HMG20A: variants seen among roughly 807,000 people sequenced by gnomAD.
HMG20A encodes high mobility group protein 20A.
A neutral mutation model predicts 43.9 loss-of-function variants in HMG20A; 17 were observed. The ratio of observed to expected loss-of-function variants is 0.39; its 90% CI spans 0.27 to 0.58. The LOEUF is 0.58. Among genes scored for constraint, HMG20A ranks in the 20% least tolerant of loss-of-function variants. The pLI is 0.59. For synonymous variants in HMG20A, 132 were observed against 147.5 expected (o/e 0.89, Z 0.76); for missense variants, 341 against 438.2 (o/e 0.78, Z 1.98).
chr15:77,491,410 A>G, the HMG20A span, among the ~76,000 whole-genome samples: 1 of 152,210 alleles, frequency 6.6e-6, no homozygotes, highest in South Asian at 2.1e-4. Flanking sequence ...TGTTATATTT[A>G]TCAAAAGAAT....
chr15:77,465,279 A>G (rs1276937587), intron 3 of HMG20A, among the ~76,000 whole-genome samples: 1 of 150,402 alleles, frequency 6.6e-6, no homozygotes, highest in African/African-American at 2.4e-5. Context: ...AAAAAAAAAA[A>G]AAAAAAGAAA....
intron 5 of HMG20A, 111 bp from the exon 6 acceptor site, chr15:77,471,672 T>C: frequency 1.4e-6 from 1 of 707,852 alleles, no homozygotes; most frequent in Non-Finnish European, 2.5e-6. Flanking sequence ...TCATATGTTA[T>C]GAGAATCTAC....
At chr15:77,441,794 T>A (rs1215797365) in intron 1 of HMG20A, among the ~76,000 whole-genome samples, 2 of 152,164 alleles carry the variant, frequency 1.3e-5, no homozygotes, top group Non-Finnish European at 2.9e-5. Context: ...TTTATCAACT[T>A]TGTCTTTTAA....
chr15:77,488,964 T>G (rs1249103297), downstream of HMG20A, among the ~76,000 whole-genome samples: 1 of 152,220 alleles, frequency 6.6e-6, no homozygotes, highest in Non-Finnish European at 1.5e-5. Flanking sequence ...CACTGCTGGG[T>G]TCAGGTCTGG....
the HMG20A span, among the ~76,000 whole-genome samples, chr15:77,510,290 G>T: frequency 6.6e-6 from 1 of 152,186 alleles, no homozygotes; most frequent in Admixed American, 6.5e-5. Flanking sequence ...ACCTGGCTGC[G>T]CATGGATGAT....
chr15:77,473,798 A>T (rs1025210980), intron 6 of HMG20A, among the ~76,000 whole-genome samples: 3 of 152,036 alleles, frequency 2.0e-5, no homozygotes, highest in Non-Finnish European at 4.4e-5. Context: ...AACAAAAAAA[A>T]GGAGTGAGTA....
chr15:77,452,903 T>C (rs2072617557), intron 1 of HMG20A, among the ~76,000 whole-genome samples: 1 of 152,170 alleles, frequency 6.6e-6, no homozygotes, highest in Non-Finnish European at 1.5e-5. Context: ...AATTTTGCAA[T>C]AACAATACAG....
intron 2 of HMG20A, among the ~76,000 whole-genome samples, chr15:77,463,901 G>A (rs977002799): frequency 6.6e-6 from 1 of 152,136 alleles, no homozygotes; most frequent in African/African-American, 2.4e-5. Context: ...CTTTACATTG[G>A]AGATACATGA....
At chr15:77,443,213 A>G (rs2073632402) in intron 1 of HMG20A, among the ~76,000 whole-genome samples, 1 of 150,776 alleles carries the variant, frequency 6.6e-6, no homozygotes, top group African/African-American at 2.4e-5. Flanking sequence ...TTGTATTTTT[A>G]GTAGAGACAG....
At position 77,420,906 on chromosome 15, in the gene HMG20A, G is replaced by C. The variant is rs1304957010; in HGVS notation, c.-103G>C. ...TTTGTCCAGCTGTGAGACGACGAGT[G>C]CGTGAAGTGAAGGCGATTGAGAGGG... On this transcript the variant is annotated 5_prime_UTR_variant, in exon 1 of 10. Coordinates refer to ENST00000336216, the MANE Select transcript of HMG20A (RefSeq NM_001304504.2). The C allele has an allele frequency of 2.5e-6, 1 of 398,708 alleles. No homozygotes were observed. Among genetic ancestry groups the C allele is most frequent in the Non-Finnish European group, 4.4e-6 (1 of 226,172 alleles). 24.7% of individuals were successfully genotyped at this position (398,708 alleles called of 1,614,324 possible). A position where few individuals can be genotyped will look rare whatever the true frequency, so the allele number is the denominator to read the frequency against.
chr15:77,472,570 G>A (rs188304252), intron 6 of HMG20A, among the ~76,000 whole-genome samples: 14 of 152,264 alleles, frequency 9.2e-5, no homozygotes, highest in East Asian at 3.9e-4. Context: ...CACCACGCCC[G>A]GCCCAGTATC....
chr15:77,421,287 A>G (rs1247361779), intron 1 of HMG20A, among the ~76,000 whole-genome samples: 1 of 152,180 alleles, frequency 6.6e-6, no homozygotes, highest in East Asian at 1.9e-4. Context: ...TCGCGGAGAC[A>G]TTATCTTGCA....
At chr15:77,461,005 AAGTC>A (rs2072699897) in intron 2 of HMG20A, among the ~76,000 whole-genome samples, 1 of 152,170 alleles carries the variant, frequency 6.6e-6, no homozygotes, top group African/African-American at 2.4e-5. Flanking sequence ...AAAGAAAAAA[AAGTC>A]AGAAAGAATA....
chr15:77,427,092 A>G (rs1203372562), intron 1 of HMG20A, among the ~76,000 whole-genome samples: 1 of 152,124 alleles, frequency 6.6e-6, no homozygotes, highest in Non-Finnish European at 1.5e-5. Context: ...GAGTGGGAGT[A>G]TTCTAAGGTA....
At chr15:77,454,393 C>CA (rs1221424560) in intron 1 of HMG20A, among the ~76,000 whole-genome samples, 1 of 151,762 alleles carries the variant, frequency 6.6e-6, no homozygotes, top group Non-Finnish European at 1.5e-5. Flanking sequence ...TTATATCTTC[C>CA]AAAAAAAGCA....
rs764419618 is a variant in HMG20A at position 77,467,160 on chromosome 15, T to C, written c.303T>C (p.Asn101=). Residue 101 remains asparagine, a synonymous_variant, in exon 4 of 10, where the codon AAT becomes AAC. Transcript: ENST00000336216. ...GGAAGAAACCTCTTCGAGACAGCAA[T>C]GCACCCAAATCCCCCCTTACAGGAT... ...RKRKKPLRDS[N]APKSPLTGYV... is the part of the protein sequence containing the mutation. 1.2e-6 allele frequency: 2 copies of C among 1,614,084 alleles called. No individual in the cohort carries two copies. The highest frequency in any genetic ancestry group is 1.3e-5 in the African/African-American group (1 of 75,018).
chr15:77,442,426 A>G (rs184427059), intron 1 of HMG20A, among the ~76,000 whole-genome samples: 34 of 152,358 alleles, frequency 2.2e-4, no homozygotes, highest in Admixed American at 2.1e-3. Context: ...TCATGGGGAA[A>G]TACTGTTTTG....
the HMG20A span, among the ~76,000 whole-genome samples, chr15:77,501,751 C>T: frequency 1.3e-5 from 2 of 152,200 alleles, no homozygotes; most frequent in Non-Finnish European, 2.9e-5. Flanking sequence ...TTCAGTCTTT[C>T]TCTGTTCACT....
chr15:77,463,725 T>C (rs1273608389), intron 2 of HMG20A, among the ~76,000 whole-genome samples: 1 of 152,228 alleles, frequency 6.6e-6, no homozygotes, highest in African/African-American at 2.4e-5. Flanking sequence ...GTATTGTTCT[T>C]AGATGATCTG....
Sources: allele counts gnomAD v4.1 joint callset (sites outside exome capture counted in the v4.1 genomes callset), GRCh38; gene constraint gnomAD v4.1.1; transcripts MANE v1.5; gene names NCBI Gene and HGNC (gene_info 2026-07-23, HGNC 2026-07-21).